The following ZNRF2 variants were observed in gnomAD, a reference collection of about 807,000 sequenced individuals.
The protein encoded by ZNRF2 is E3 ubiquitin-protein ligase ZNRF2.
Under a neutral mutation model 20.4 loss-of-function variants are expected in ZNRF2, and 16 were observed. The ratio of observed to expected loss-of-function variants is 0.79; its 90% CI spans 0.53 to 1.19. ZNRF2 has a LOEUF of 1.19. Among genes scored for constraint, ZNRF2 ranks in the 50% most tolerant of loss-of-function variants. The probability of loss-of-function intolerance (pLI) is 0.00; values close to 1 mark genes in which losing one functional copy is unlikely to be tolerated. For synonymous variants in ZNRF2, 178 were observed against 144.9 expected, an observed-to-expected ratio of 1.23 and a Z score of -1.64; for missense variants, 363 against 332.4, an observed-to-expected ratio of 1.09 and a Z score of -0.72.
At chr7:30,362,883 C>T (rs777339770) in intron 4 of ZNRF2, among the ~76,000 whole-genome samples, 29 of 152,090 alleles carry the variant, frequency 1.9e-4, no homozygotes, top group Non-Finnish European at 3.7e-4. Flanking sequence ...TTTGGGAAGC[C>T]GAGGCGGGCG....
rs1798774451 is a variant in ZNRF2, at chr7:30,285,809, C to T, written c.452C>T (p.Ser151Leu). Residue 151 changes from serine (S) to leucine (L), a missense_variant, in exon 1 of 5, where the codon TCG becomes TTG. This residue lies in a region of ZNRF2 where 302 missense variants were observed against 231.5 expected (regional missense o/e 1.30). Transcript: ENST00000323037. ...LVIGSLPAHL[S>L]PHMFGGFKCP... Reference sequence around the variant, plus strand: ...ATCGGCTCCTTACCAGCTCACCTCTCGCCGCACATGTTTGGAGGTACGGAC... The same window carrying T: ...ATCGGCTCCTTACCAGCTCACCTCTTGCCGCACATGTTTGGAGGTACGGAC... 2.0e-6 allele frequency: 3 copies of T among 1,526,006 alleles called. No individual in the cohort carries two copies. Among genetic ancestry groups the T allele is most frequent in the Non-Finnish European group, 2.6e-6 (3 of 1,145,506 alleles). The allele number at this position is 1,526,006 out of a possible 1,614,324, so 94.5% of individuals were successfully genotyped here. A position where few individuals can be genotyped will look rare whatever the true frequency, so the allele number is the denominator to read the frequency against.
intron 1 of ZNRF2, among the ~76,000 whole-genome samples, chr7:30,307,316 GTTTTTTTTTGTTTTTTTTTT>G (rs1799222623): frequency 2.9e-5 from 2 of 68,084 alleles, no homozygotes; most frequent in Admixed American, 3.2e-4. Flanking sequence ...TCTTTCTGCT[GTTTTTTTTTGTTTTTTTTTT>G]TTTTTTTTTT....
chr7:30,315,217 C>T (rs1222889004), intron 1 of ZNRF2, among the ~76,000 whole-genome samples: 1 of 152,092 alleles, frequency 6.6e-6, no homozygotes, highest in East Asian at 1.9e-4. Context: ...GCCATTCATT[C>T]CATTGGTGTT....
intron 4 of ZNRF2, among the ~76,000 whole-genome samples, chr7:30,364,964 C>T (rs941050254): frequency 2.0e-5 from 3 of 151,994 alleles, no homozygotes; most frequent in Admixed American, 6.6e-5. Flanking sequence ...TGTGTCCTCA[C>T]GTGGTGGGAT....
Position 30,364,543 on chromosome 7 carries a change from G to C in ZNRF2, c.*23-1492G>C, listed in dbSNP as rs904623453. On this transcript the variant is annotated intron_variant, in intron 4 of 4. Coordinates refer to ENST00000323037, the MANE Select transcript of ZNRF2 (RefSeq NM_147128.4). The stretch of plus-strand genomic sequence containing the variant: ...AATGCTAGGTAAGAGAAGTATAGTG[G>C]TGGAGTGGTATTTTGAATATATGTG... Among the ~76,000 whole-genome samples the C allele has an allele frequency of 1.1e-4, 17 of 152,266 alleles. No homozygotes were observed. In the East Asian group the frequency reaches 3.3e-3, roughly 29 times the overall value.
intron 2 of ZNRF2, among the ~76,000 whole-genome samples, chr7:30,329,673 A>G (rs1799607321): frequency 6.6e-6 from 1 of 152,186 alleles, no homozygotes; most frequent in South Asian, 2.1e-4. Flanking sequence ...TCTATTGTTT[A>G]TAGATACCAC....
At chr7:30,313,181 A>G (rs1799317224) in intron 1 of ZNRF2, among the ~76,000 whole-genome samples, 1 of 152,202 alleles carries the variant, frequency 6.6e-6, no homozygotes, top group Admixed American at 6.5e-5. Flanking sequence ...ATTGAGCTTA[A>G]TTGAGAATTT....
At chr7:30,314,903 G>C (rs191552380) in intron 1 of ZNRF2, among the ~76,000 whole-genome samples, 349 of 151,596 alleles carry the variant, frequency 2.3e-3, no homozygotes, top group African/African-American at 8.2e-3. Context: ...TGCAAGCTCT[G>C]CCTCCTGGGT....
chr7:30,320,415 G>A (rs1799451033), intron 1 of ZNRF2, among the ~76,000 whole-genome samples: 1 of 152,104 alleles, frequency 6.6e-6, no homozygotes, highest in African/African-American at 2.4e-5. Context: ...CATACTAGTA[G>A]TACCCACATG....
At chr7:30,352,908 A>C (rs1372133854) in intron 2 of ZNRF2, among the ~76,000 whole-genome samples, 1 of 152,122 alleles carries the variant, frequency 6.6e-6, no homozygotes, top group Admixed American at 6.5e-5. Context: ...CACATTACTA[A>C]CAAGTCTTTC....
At chr7:30,338,957 C>T (rs866479202) in intron 2 of ZNRF2, among the ~76,000 whole-genome samples, 6 of 152,236 alleles carry the variant, frequency 3.9e-5, no homozygotes, top group South Asian at 4.1e-4. Context: ...TTTTAATGAT[C>T]GCCATTCTAA....
chr7:30,284,999 CAG>C lies in ZNRF2; in HGVS notation c.-354_-353del, dbSNP rs1798745562. 2 of 383,086 alleles carry C rather than the reference CAG, an allele frequency of 5.2e-6. No homozygotes were observed. The highest frequency in any genetic ancestry group is 3.2e-5 in the Admixed American group (1 of 31,690). The allele number at this position is 383,086 out of a possible 1,614,324, so 23.7% of individuals were successfully genotyped here. ...AGATCGGGGGCGCCGAGCGCGGCAG[CAG>C]AGAGCGGTAGCGGCCCGTCGTGGCG... On this transcript the variant is annotated 5_prime_UTR_variant, in exon 1 of 5. It introduces an in-frame stop codon into an upstream open reading frame of the 5' UTR. Coordinates refer to ENST00000323037, the MANE Select transcript of ZNRF2 (RefSeq NM_147128.4).
intron 1 of ZNRF2, among the ~76,000 whole-genome samples, chr7:30,317,286 C>T (rs1350430339): frequency 3.0e-5 from 3 of 101,018 alleles, no homozygotes; most frequent in East Asian, 5.5e-4. Flanking sequence ...AATTTCTGCC[C>T]CACAGGTATC....
intron 1 of ZNRF2, among the ~76,000 whole-genome samples, chr7:30,312,732 A>G (rs1799310599): frequency 6.6e-6 from 1 of 152,218 alleles, no homozygotes; most frequent in Non-Finnish European, 1.5e-5. Flanking sequence ...TTTATTTGAA[A>G]GTCCTAAAGA....
intron 1 of ZNRF2, among the ~76,000 whole-genome samples, chr7:30,322,844 A>G (rs1799494501): frequency 1.3e-5 from 2 of 152,192 alleles, no homozygotes; most frequent in African/African-American, 4.8e-5. Context: ...CTTAGCAGCA[A>G]GAAGGCAGGG....
At chr7:30,356,815 C>T (rs577288215) in intron 3 of ZNRF2, among the ~76,000 whole-genome samples, 1 of 150,804 alleles carries the variant, frequency 6.6e-6, no homozygotes, top group East Asian at 2.0e-4. Context: ...ACGCCATTCT[C>T]CTGCCTCAGC....
chr7:30,333,958 G>T (rs550864107), intron 2 of ZNRF2, among the ~76,000 whole-genome samples: 1 of 152,074 alleles, frequency 6.6e-6, no homozygotes, highest in Non-Finnish European at 1.5e-5. Flanking sequence ...TTTTTACTCT[G>T]TTGGAATTCC....
intron 3 of ZNRF2, among the ~76,000 whole-genome samples, chr7:30,358,568 T>G (rs970512775): frequency 2.4e-4 from 37 of 152,190 alleles, no homozygotes; most frequent in African/African-American, 7.2e-4. Context: ...CTGCCAAAAC[T>G]GCATGGGAAC....
intron 2 of ZNRF2, among the ~76,000 whole-genome samples, chr7:30,329,013 A>G (rs985186623): frequency 1.3e-5 from 2 of 152,184 alleles, no homozygotes; most frequent in Non-Finnish European, 2.9e-5. Context: ...TATGGACCTA[A>G]TAATTCCTTG....
Sources: allele counts gnomAD v4.1 joint callset (sites outside exome capture counted in the v4.1 genomes callset), GRCh38; gene constraint gnomAD v4.1.1; regional missense constraint gnomAD v4.1.1; transcripts MANE v1.5; gene names NCBI Gene and HGNC (gene_info 2026-07-23, HGNC 2026-07-21).